Variants in RERG observed in about 807,000 individuals in gnomAD.
RERG encodes ras-related and estrogen-regulated growth inhibitor.
In RERG, 25 loss-of-function variants were observed where a neutral mutation model predicts 23.2. The observed-to-expected ratio is 1.08, with a 90% CI of 0.79 to 1.50. RERG has a LOEUF of 1.50. RERG is among the 40% of genes most tolerant of loss of function. RERG has a pLI of 0.00. For synonymous variants in RERG, 81 were observed against 89.1 expected, an observed-to-expected ratio of 0.91 and a Z score of 0.51; for missense variants, 253 against 250.1, an observed-to-expected ratio of 1.01 and a Z score of -0.08.
intron 2 of RERG, among the ~76,000 whole-genome samples, chr12:15,167,820 C>T (rs1406288996): frequency 6.6e-6 from 1 of 152,058 alleles, no homozygotes; most frequent in Admixed American, 6.5e-5. Flanking sequence ...GTCATTTTTC[C>T]CATCTCTGGC....
At chr12:15,155,565 T>C (rs949567237) in intron 2 of RERG, among the ~76,000 whole-genome samples, 4 of 152,016 alleles carry the variant, frequency 2.6e-5, no homozygotes, top group African/African-American at 9.7e-5. Flanking sequence ...GAACAGGTAA[T>C]GGGGTTGGGC....
intron 2 of RERG, among the ~76,000 whole-genome samples, chr12:15,125,352 G>A (rs1045660521): frequency 7.9e-5 from 12 of 151,950 alleles, no homozygotes; most frequent in Non-Finnish European, 1.6e-4. Flanking sequence ...AAAAAAGTTA[G>A]AAATGTTAAA....
At chr12:15,198,152 C>G (rs1461029515) in intron 2 of RERG, among the ~76,000 whole-genome samples, 1 of 152,114 alleles carries the variant, frequency 6.6e-6, no homozygotes, top group African/African-American at 2.4e-5. Flanking sequence ...CCTATCTTGT[C>G]TCTTGGTGAG....
At chr12:15,180,987 C>T (rs1197645558) in intron 2 of RERG, among the ~76,000 whole-genome samples, 1 of 152,176 alleles carries the variant, frequency 6.6e-6, no homozygotes, top group East Asian at 1.9e-4. Context: ...CTATTGCATC[C>T]AGACATTCAT....
At chr12:15,194,646 G>C (rs1865118356) in intron 2 of RERG, among the ~76,000 whole-genome samples, 1 of 151,986 alleles carries the variant, frequency 6.6e-6, no homozygotes, top group Admixed American at 6.6e-5. Context: ...TCTCTTCCAA[G>C]AATGCTTAAC....
intron 3 of RERG, among the ~76,000 whole-genome samples, chr12:15,120,378 C>T (rs1424741543): frequency 1.3e-5 from 2 of 151,932 alleles, no homozygotes; most frequent in African/African-American, 2.4e-5. Context: ...CACTTTGACA[C>T]ACAGAAGGCG....
At chr12:15,164,882 A>G (rs116420163) in intron 2 of RERG, among the ~76,000 whole-genome samples, 1,717 of 152,300 alleles carry the variant, frequency 0.011, 29 homozygotes, top group African/African-American at 0.039. Context: ...TCCAAAGGGT[A>G]TTATTGAAGT....
In RERG at chr12:15,128,034, A is replaced by G. The variant is rs544198721; in HGVS notation, c.62-6915T>C. Reference sequence around the variant, plus strand: ...AACTCTGTTTACCTTAAAACCCGTAATTTTTCCAATATACAATACTTTTCC... The same window carrying G: ...AACTCTGTTTACCTTAAAACCCGTAGTTTTTCCAATATACAATACTTTTCC... On this transcript the variant is annotated intron_variant, in intron 2 of 4. Transcript: ENST00000256953. Among the ~76,000 whole-genome samples the G allele has an allele frequency of 1.8e-4, 28 of 152,300 alleles. No homozygotes were observed. In the South Asian group the frequency reaches 5.6e-3, roughly 30 times the overall value.
chr12:15,125,954 A>G (rs1863929663), intron 2 of RERG, among the ~76,000 whole-genome samples: 1 of 151,422 alleles, frequency 6.6e-6, no homozygotes, highest in African/African-American at 2.4e-5. Context: ...CTGAAGCTCA[A>G]GTTGTTTACA....
At chr12:15,193,179 T>G (rs1435931093) in intron 2 of RERG, among the ~76,000 whole-genome samples, 1 of 152,182 alleles carries the variant, frequency 6.6e-6, no homozygotes, top group Non-Finnish European at 1.5e-5. Flanking sequence ...ATTCTATAAT[T>G]TGTTAATTGG....
chr12:15,180,649 T>C (rs1864911379), intron 2 of RERG, among the ~76,000 whole-genome samples: 10 of 152,116 alleles, frequency 6.6e-5, no homozygotes, highest in Admixed American at 4.6e-4. Flanking sequence ...CTGAAGTAAA[T>C]AGGGACGAGG....
At chr12:15,131,581 A>G (rs1864047191) in intron 2 of RERG, among the ~76,000 whole-genome samples, 1 of 152,206 alleles carries the variant, frequency 6.6e-6, no homozygotes, top group African/African-American at 2.4e-5. Flanking sequence ...AGAAATTGAC[A>G]ACCGAAAACA....
At chr12:15,170,965 G>A (rs934691045) in intron 2 of RERG, among the ~76,000 whole-genome samples, 1 of 152,158 alleles carries the variant, frequency 6.6e-6, no homozygotes, top group African/African-American at 2.4e-5. Context: ...AAAATCCCAG[G>A]TATCTACAGA....
At chr12:15,115,900 C>A (rs371021360) in intron 3 of RERG, among the ~76,000 whole-genome samples, 1 of 152,074 alleles carries the variant, frequency 6.6e-6, no homozygotes, top group Non-Finnish European at 1.5e-5. Context: ...GCCATAAGCA[C>A]GGCACATTGC....
intron 2 of RERG, among the ~76,000 whole-genome samples, chr12:15,136,288 T>C (rs1293383836): frequency 7.9e-5 from 12 of 152,060 alleles, no homozygotes; most frequent in Admixed American, 7.2e-4. Context: ...TTGCATCTTC[T>C]TTTTCTTGGC....
chr12:15,149,860 C>A (rs1187113867), intron 2 of RERG, among the ~76,000 whole-genome samples: 3 of 152,202 alleles, frequency 2.0e-5, no homozygotes, highest in East Asian at 3.8e-4. Context: ...GCCTACAGAT[C>A]TCCACCATCC....
At chr12:15,215,605 G>A (rs1865429814) in intron 2 of RERG, among the ~76,000 whole-genome samples, 1 of 152,160 alleles carries the variant, frequency 6.6e-6, no homozygotes, top group Admixed American at 6.5e-5. Context: ...ACAGAAGATG[G>A]CTATGTTTTA....
At position 15,217,416 on chromosome 12, in the gene RERG, A is replaced by G. The variant is rs564557758; in HGVS notation, c.61+13T>C. 2 of 1,598,650 alleles carry G rather than the reference A, an allele frequency of 1.3e-6. No homozygotes were observed. Among genetic ancestry groups the G allele is most frequent in the African/African-American group, 1.3e-5 (1 of 74,720 alleles). On this transcript the variant is annotated intron_variant, in intron 2 of 4. Transcript: ENST00000256953. ...ACACACACACACTATAACAACCACA[A>G]CGAAAATCTTACCTGACTTGCCCAC... is the stretch of plus-strand genomic sequence containing the variant.
chr12:15,134,976 A>G (rs559017128), intron 2 of RERG, among the ~76,000 whole-genome samples: 1 of 152,310 alleles, frequency 6.6e-6, no homozygotes, highest in South Asian at 2.1e-4. Flanking sequence ...TTTTATTTCA[A>G]TTGTATTGAA....
Sources: allele counts gnomAD v4.1 joint callset (sites outside exome capture counted in the v4.1 genomes callset), GRCh38; gene constraint gnomAD v4.1.1; transcripts MANE v1.5; gene names NCBI Gene and HGNC (gene_info 2026-07-23, HGNC 2026-07-21).